Variants in AGTPBP1 observed in about 807,000 individuals in gnomAD.
The protein encoded by AGTPBP1 is ATP/GTP binding carboxypeptidase 1.
In AGTPBP1, 70 loss-of-function variants were observed where a neutral mutation model predicts 143.9. The observed-to-expected ratio is 0.49, with a 90% CI of 0.40 to 0.59. The LOEUF is 0.59. Ranked by LOEUF, AGTPBP1 falls within the 20% of genes least tolerant of loss-of-function variation. The probability of loss-of-function intolerance (pLI) is 0.00; values close to 1 mark genes in which losing one functional copy is unlikely to be tolerated. For missense variants in AGTPBP1, 1,229 were observed against 1,464.5 expected (o/e 0.84, Z 2.62); for synonymous variants, 463 against 500.2 (o/e 0.93, Z 0.99).
chr9:85,670,047 G>C (rs1405727745), intron 7 of AGTPBP1, among the ~76,000 whole-genome samples: 2 of 152,184 alleles, frequency 1.3e-5, no homozygotes, highest in Non-Finnish European at 2.9e-5. Flanking sequence ...CTAATTCAGA[G>C]TGAGACAGAC....
chr9:85,555,836 C>A (rs1826305602), intron 25 of AGTPBP1, among the ~76,000 whole-genome samples: 1 of 151,978 alleles, frequency 6.6e-6, no homozygotes, highest in Non-Finnish European at 1.5e-5. Flanking sequence ...GAAAATTAAT[C>A]TTAAACCAAA....
At chr9:85,579,324 G>A (rs1022373508) in intron 23 of AGTPBP1, among the ~76,000 whole-genome samples, 1 of 151,960 alleles carries the variant, frequency 6.6e-6, no homozygotes, top group Non-Finnish European at 1.5e-5. Context: ...TGGAAGAATC[G>A]TATTCACGGT....
At chr9:85,802,573 C>T in the AGTPBP1 span, among the ~76,000 whole-genome samples, 1 of 151,818 alleles carries the variant, frequency 6.6e-6, no homozygotes, top group Non-Finnish European at 1.5e-5. Flanking sequence ...CTGATTTCAC[C>T]TCCCTTCTCT....
At chr9:85,621,840 T>C (rs896340460) in intron 14 of AGTPBP1, among the ~76,000 whole-genome samples, 2 of 152,128 alleles carry the variant, frequency 1.3e-5, no homozygotes, top group African/African-American at 4.8e-5. Context: ...TCCCTGAGCA[T>C]GCAAAATTCT....
chr9:85,571,233 C>G (rs919510851), intron 25 of AGTPBP1, among the ~76,000 whole-genome samples: 17 of 152,136 alleles, frequency 1.1e-4, no homozygotes, highest in South Asian at 8.3e-4. Context: ...ATATAAATAC[C>G]GTTTTCCACC....
At chr9:85,570,855 G>A (rs554443848) in intron 25 of AGTPBP1, among the ~76,000 whole-genome samples, 18 of 152,312 alleles carry the variant, frequency 1.2e-4, no homozygotes, top group Admixed American at 8.5e-4. Flanking sequence ...GCAGGGTGAG[G>A]AAGGCATCCG....
rs1834478313 is a variant in AGTPBP1 at position 85,671,462 on chromosome 9, C to T, written c.568+1088G>A. Among the ~76,000 whole-genome samples the T allele has an allele frequency of 2.0e-5, 3 of 151,674 alleles. No homozygotes were observed. In the South Asian group the frequency reaches 6.2e-4, roughly 31 times the overall value. Reference sequence around the variant, plus strand: ...TATTTAAGTGTTCTAAGCTGTTTTCCACAGAGCACACCTTTAGCCATATTT... The same window carrying T: ...TATTTAAGTGTTCTAAGCTGTTTTCTACAGAGCACACCTTTAGCCATATTT... On this transcript the variant is annotated intron_variant, in intron 7 of 25. Coordinates refer to ENST00000357081, the MANE Select transcript of AGTPBP1 (RefSeq NM_001330701.2).
chr9:85,796,148 T>A, the AGTPBP1 span, among the ~76,000 whole-genome samples: 1 of 152,130 alleles, frequency 6.6e-6, no homozygotes, highest in Admixed American at 6.6e-5. Context: ...CATAGTTATA[T>A]ATATCTATTA....
Position 85,547,700 on chromosome 9 carries a change from C to T in AGTPBP1, c.3504-414G>A, listed in dbSNP as rs571062038. 4.5e-4 allele frequency among the ~76,000 whole-genome samples: 69 copies of T among 152,194 alleles called. 1 individual carries two copies. Among genetic ancestry groups the T allele is most frequent in the Admixed American group, 2.0e-4 (3 of 15,280 alleles). On this transcript the variant is annotated intron_variant, in intron 25 of 25. Transcript: ENST00000357081. ...AACTGTGAGCATTTAATTGGCTTCT[C>T]GAGTAATGCACTAAAACCACTCACT...
chr9:85,740,517 A>C (rs1376314900), intron 1 of AGTPBP1, among the ~76,000 whole-genome samples: 1 of 152,260 alleles, frequency 6.6e-6, no homozygotes, highest in Non-Finnish European at 1.5e-5. Flanking sequence ...ATGTTTTAAA[A>C]TAAGCACCAT....
At position 85,574,011 on chromosome 9, in the gene AGTPBP1, G is replaced by A. The variant is rs571627865; in HGVS notation, c.3503+1304C>T. ...GAGAACGGGCCATGATGACAATGGC[G>A]GTTTTGTGGAATAGAAAAGGGGGAA... On this transcript the variant is annotated intron_variant, in intron 25 of 25. Transcript: ENST00000357081. Among the ~76,000 whole-genome samples, 44 of 152,068 alleles carry A rather than the reference G, an allele frequency of 2.9e-4. No homozygotes were observed. In the South Asian group the frequency reaches 5.0e-3, roughly 17 times the overall value.
At chr9:85,747,405 G>T in the AGTPBP1 span, among the ~76,000 whole-genome samples, 1 of 152,128 alleles carries the variant, frequency 6.6e-6, no homozygotes, top group Admixed American at 6.5e-5. Flanking sequence ...TTCCATTTCT[G>T]CAAAAAAGGC....
intron 19 of AGTPBP1, among the ~76,000 whole-genome samples, chr9:85,589,905 G>A (rs1225897182): frequency 6.6e-6 from 1 of 152,110 alleles, no homozygotes; most frequent in Admixed American, 6.6e-5. Flanking sequence ...CAATAGGGTC[G>A]GGGTAGCAAT....
chr9:85,679,652 C>T (rs1303779995), intron 4 of AGTPBP1, among the ~76,000 whole-genome samples: 1 of 152,218 alleles, frequency 6.6e-6, no homozygotes, highest in Non-Finnish European at 1.5e-5. Context: ...TCGTGATCTG[C>T]CCATCTCGGC....
In AGTPBP1 at chr9:85,546,819, CA is replaced by C. The variant is rs1825767245; in HGVS notation, c.*289del. 1.3e-5 allele frequency: 3 copies of C among 225,686 alleles called. No individual in the cohort carries two copies. In the Admixed American group the frequency reaches 1.7e-4, roughly 13 times the overall value. The allele number at this position is 225,686 out of a possible 1,614,324, so 14.0% of individuals were successfully genotyped here. On this transcript the variant is annotated 3_prime_UTR_variant, in exon 26 of 26. Transcript: ENST00000357081. Reference sequence around the variant, plus strand: ...TTATCCACTTGATGCAGGATATAACCATAGGGAGATAAAAATTCATGCAATG... The same window carrying C: ...TTATCCACTTGATGCAGGATATAACCTAGGGAGATAAAAATTCATGCAATG...
chr9:85,630,582 C>A (rs147294713), intron 14 of AGTPBP1, among the ~76,000 whole-genome samples: 1 of 151,976 alleles, frequency 6.6e-6, no homozygotes, highest in Non-Finnish European at 1.5e-5. Context: ...TGGGTTCAAG[C>A]GATGCTCCTC....
chr9:85,641,994 C>T (rs191460494), intron 13 of AGTPBP1, among the ~76,000 whole-genome samples: 178 of 152,216 alleles, frequency 1.2e-3, no homozygotes, highest in African/African-American at 3.9e-3. Context: ...CCACCACACC[C>T]GGCAACAAAT....
intron 8 of AGTPBP1, among the ~76,000 whole-genome samples, chr9:85,663,598 A>T (rs1378330202): frequency 6.6e-6 from 1 of 151,356 alleles, no homozygotes; most frequent in African/African-American, 2.4e-5. Context: ...GCAAGGAAAA[A>T]AAGACCCATA....
intron 25 of AGTPBP1, among the ~76,000 whole-genome samples, chr9:85,559,211 T>C (rs914450033): frequency 6.6e-6 from 1 of 152,118 alleles, no homozygotes; most frequent in Admixed American, 6.5e-5. Flanking sequence ...CCAGGAAAAA[T>C]GTAGTGTTGC....
Sources: gnomAD v4.1 joint callset for allele counts (sites outside exome capture counted in the v4.1 genomes callset) on GRCh38, gnomAD v4.1.1 for gene constraint, MANE v1.5 for transcripts, NCBI Gene and HGNC (gene_info 2026-07-23, HGNC 2026-07-21) for gene names.